Variants in ATP2C1 observed in about 807,000 individuals in gnomAD.
ATP2C1 encodes the protein ATPase secretory pathway Ca2+ transporting 1, also known as calcium-transporting ATPase type 2C member 1.
A neutral mutation model predicts 120.5 loss-of-function variants in ATP2C1; 31 were observed. The ratio of observed to expected loss-of-function variants is 0.26; its 90% CI spans 0.19 to 0.35. The LOEUF (loss-of-function observed/expected upper bound fraction) is 0.35. ATP2C1 is among the 10% of genes least tolerant of loss of function. The pLI, the probability that ATP2C1 is intolerant of heterozygous loss-of-function variation, is 1.00. For missense variants in ATP2C1, 731 were observed against 1,107.5 expected, an observed-to-expected ratio of 0.66 and a Z score of 4.83; for synonymous variants, 351 against 358.7, an observed-to-expected ratio of 0.98 and a Z score of 0.24.
rs1415306013 is a variant in ATP2C1, at chr3:131,003,026, C to T, written c.*1676C>T. 4.1e-6 allele frequency: 4 copies of T among 985,412 alleles called. No individual in the cohort carries two copies. The highest frequency in any genetic ancestry group is 4.7e-5 in the South Asian group (1 of 21,276). The allele number at this position is 985,412 out of a possible 1,614,324, so 61.0% of individuals were successfully genotyped here. A position where few individuals can be genotyped will look rare whatever the true frequency, so the allele number is the denominator to read the frequency against. On this transcript the variant is annotated 3_prime_UTR_variant, in exon 28 of 28. Coordinates refer to ENST00000510168, the MANE Select transcript of ATP2C1 (RefSeq NM_001378687.1). ...TTCTCTGTTACAAAGACTTGAAATA[C>T]GTATTAAATGCACGTTAATGTTTTG...
chr3:131,012,447 G>A (rs1034193699), intron 26 of ATP2C1, among the ~76,000 whole-genome samples: 11 of 151,690 alleles, frequency 7.3e-5, no homozygotes, highest in African/African-American at 1.9e-4. Flanking sequence ...TAGTAGAGAC[G>A]GGGTTTCACC....
chr3:130,879,512 G>A (rs2068716035), intron 1 of ATP2C1, among the ~76,000 whole-genome samples: 1 of 152,000 alleles, frequency 6.6e-6, no homozygotes, highest in Non-Finnish European at 1.5e-5. Context: ...TAATTATTTT[G>A]AATTTCTTTT....
chr3:130,927,200 A>G (rs1325548639), intron 2 of ATP2C1, among the ~76,000 whole-genome samples: 1 of 152,158 alleles, frequency 6.6e-6, no homozygotes, highest in African/African-American at 2.4e-5. Context: ...CTGGTAGTTA[A>G]ATTTATTTCA....
At chr3:130,995,872 T>C (rs1023109045) in intron 22 of ATP2C1, among the ~76,000 whole-genome samples, 171 bp from the exon 23 acceptor site, 1 of 152,196 alleles carries the variant, frequency 6.6e-6, no homozygotes, top group Non-Finnish European at 1.5e-5. Flanking sequence ...TCCGAACTCG[T>C]GACCCCAGGT....
intron 17 of ATP2C1, among the ~76,000 whole-genome samples, chr3:130,972,623 TC>T (rs1444265778): frequency 4.1e-5 from 3 of 72,842 alleles, no homozygotes; most frequent in African/African-American, 5.5e-5. Flanking sequence ...TCCCTCCCCC[TC>T]CCCCCACCCC....
At chr3:130,936,411 A>T (rs998698069) in intron 5 of ATP2C1, among the ~76,000 whole-genome samples, 22 of 152,340 alleles carry the variant, frequency 1.4e-4, no homozygotes, top group African/African-American at 5.3e-4. Context: ...AGGTGCATTG[A>T]TACAGTTTTA....
At position 130,894,594 on chromosome 3, in the gene ATP2C1, T is replaced by C; in HGVS notation, c.-176T>C. 1 of 1,511,144 alleles carries C rather than the reference T, an allele frequency of 6.6e-7. No homozygotes were observed. The highest frequency in any genetic ancestry group is 1.4e-5 in the African/African-American group (1 of 71,536). 93.6% of individuals were successfully genotyped at this position (1,511,144 alleles called of 1,614,324 possible). On this transcript the variant is annotated 5_prime_UTR_variant, in exon 2 of 28. Transcript: ENST00000510168. This position sits in a 1 kb window ranked among gnomAD's most constrained non-coding sequence, Gnocchi z 4.5. ...TTCTCCTGGTTTCTCTTGCAGATGC[T>C]GCTGCTAGGGGTGGTGGGAGCAGCC...
chr3:130,986,312 G>T (rs1359808604), intron 20 of ATP2C1, among the ~76,000 whole-genome samples: 1 of 151,276 alleles, frequency 6.6e-6, no homozygotes, highest in Non-Finnish European at 1.5e-5. Flanking sequence ...TGTGAAATCT[G>T]CAGTTACTTA....
intron 20 of ATP2C1, among the ~76,000 whole-genome samples, chr3:130,988,446 C>T (rs1197955208): frequency 3.3e-5 from 5 of 152,070 alleles, no homozygotes; most frequent in African/African-American, 1.2e-4. Context: ...TTATCTCTTC[C>T]TCCAAATCTA....
intron 26 of ATP2C1, among the ~76,000 whole-genome samples, chr3:131,015,765 CAG>C (rs1219712974): frequency 6.6e-6 from 1 of 152,088 alleles, no homozygotes; most frequent in East Asian, 1.9e-4. Flanking sequence ...TGAGGGTAGA[CAG>C]TGTGTCTCAC....
upstream of ATP2C1, among the ~76,000 whole-genome samples, chr3:130,892,787 T>C (rs76331083): frequency 5.3e-4 from 80 of 151,842 alleles, 1 homozygote; most frequent in East Asian, 0.01. Flanking sequence ...AAAAGTTCAA[T>C]ATTTCTTAAA....
At chr3:130,961,761 A>G (rs972034553) in intron 12 of ATP2C1, among the ~76,000 whole-genome samples, 1 of 152,068 alleles carries the variant, frequency 6.6e-6, no homozygotes, top group Admixed American at 6.6e-5. Context: ...ACTTTCTACT[A>G]TAATGGCAAA....
chr3:130,860,446 A>G (rs539508699), intron 1 of ATP2C1, among the ~76,000 whole-genome samples: 2 of 152,382 alleles, frequency 1.3e-5, no homozygotes, highest in African/African-American at 4.8e-5. Context: ...TAGGTTATGC[A>G]TTCAAGAATA....
chr3:130,881,990 T>C (rs1016205632), intron 1 of ATP2C1, among the ~76,000 whole-genome samples: 3 of 152,220 alleles, frequency 2.0e-5, no homozygotes, highest in African/African-American at 7.2e-5. Context: ...AGTCATATCA[T>C]CTGCAAATAA....
At chr3:130,906,794 A>T (rs1249630509) in intron 2 of ATP2C1, among the ~76,000 whole-genome samples, 1 of 151,348 alleles carries the variant, frequency 6.6e-6, no homozygotes, top group African/African-American at 2.4e-5. Context: ...TGGATTCTTC[A>T]TGCAAAAGAA....
chr3:130,899,102 A>T (rs2069907760), intron 2 of ATP2C1, among the ~76,000 whole-genome samples: 1 of 152,156 alleles, frequency 6.6e-6, no homozygotes, highest in South Asian at 2.1e-4. Context: ...CATTTCATGA[A>T]AGAAAGGATC....
intron 26 of ATP2C1, among the ~76,000 whole-genome samples, chr3:131,011,486 T>A (rs1284227144): frequency 1.1e-4 from 17 of 152,240 alleles, no homozygotes; most frequent in Admixed American, 1.1e-3. Flanking sequence ...CAGGACCTAA[T>A]CACTTGATTG....
intron 7 of ATP2C1, 22 bp downstream of exon 7, chr3:130,940,713 G>A: frequency 6.3e-7 from 1 of 1,579,728 alleles, no homozygotes; most frequent in Non-Finnish European, 8.7e-7. Context: ...TTTTTGGTAT[G>A]GATTTCTGCC....
At chr3:130,970,323 C>A (rs2061239055) in intron 17 of ATP2C1, among the ~76,000 whole-genome samples, 1 of 150,818 alleles carries the variant, frequency 6.6e-6, no homozygotes, top group Non-Finnish European at 1.5e-5. Flanking sequence ...GCCGAGATCA[C>A]CCCAGTGCAC....
Sources: allele counts gnomAD v4.1 joint callset (sites outside exome capture counted in the v4.1 genomes callset), GRCh38; gene constraint gnomAD v4.1.1; non-coding constraint Gnocchi (gnomAD v3.1); transcripts MANE v1.5; gene names NCBI Gene and HGNC (gene_info 2026-07-23, HGNC 2026-07-21).